MAP4K5: variants seen among roughly 807,000 people sequenced by gnomAD.
The protein encoded by MAP4K5 is mitogen-activated protein kinase kinase kinase kinase 5, also known as MAPK/ERK kinase kinase kinase 5.
MAP4K5 carries 82 observed loss-of-function variants against 135.6 expected under a neutral mutation model. The ratio of observed to expected loss-of-function variants is 0.60; its 90% CI spans 0.51 to 0.73. MAP4K5 has a LOEUF of 0.73. Ranked by LOEUF, MAP4K5 falls within the 30% of genes least tolerant of loss-of-function variation. The pLI is 0.00. For synonymous variants in MAP4K5, 347 were observed against 335.0 expected, an observed-to-expected ratio of 1.04 and a Z score of -0.39; for missense variants, 907 against 1,010.9, an observed-to-expected ratio of 0.90 and a Z score of 1.39.
upstream of MAP4K5, among the ~76,000 whole-genome samples, chr14:50,536,216 G>A (rs889028264): frequency 6.6e-6 from 1 of 152,184 alleles, no homozygotes. Context: ...AGGCCAAGGT[G>A]GGCGGATCAT....
At chr14:50,449,080 T>C (rs1346831876) in intron 14 of MAP4K5, 8 of 402,392 alleles carry the variant, frequency 2.0e-5, no homozygotes, top group African/African-American at 1.5e-4. Flanking sequence ...ACAGTTCTTT[T>C]TGTATAAAAG....
intron 1 of MAP4K5, among the ~76,000 whole-genome samples, chr14:50,548,578 C>G (rs569312553): frequency 6.6e-6 from 1 of 152,014 alleles, no homozygotes; most frequent in Non-Finnish European, 1.5e-5. Flanking sequence ...GGCGTGATCT[C>G]GGGTCACTGC....
At position 50,429,187 on chromosome 14, in the gene MAP4K5, C is replaced by G. The variant is rs750087908; in HGVS notation, c.2233+5G>C. 7 of 1,498,372 alleles carry G rather than the reference C, an allele frequency of 4.7e-6. No homozygotes were observed. The highest frequency in any genetic ancestry group is 6.3e-6 in the Non-Finnish European group (7 of 1,106,422). 92.8% of individuals were successfully genotyped at this position (1,498,372 alleles called of 1,614,324 possible). A position where few individuals can be genotyped will look rare whatever the true frequency, so the allele number is the denominator to read the frequency against. On this transcript the variant is annotated splice_donor_5th_base_variant and intron_variant, in intron 29 of 32. Coordinates refer to ENST00000682126, the MANE Select transcript of MAP4K5 (RefSeq NM_006575.6). ...ACTCAAAATAAAATTAAAAATAGTACTTACTGTCTAAACACACTAAAACGG... is the reference window on the plus strand; with the variant it reads ...ACTCAAAATAAAATTAAAAATAGTAGTTACTGTCTAAACACACTAAAACGG...
chr14:50,446,399 T>C (rs1295659420), intron 16 of MAP4K5, among the ~76,000 whole-genome samples: 6 of 152,204 alleles, frequency 3.9e-5, no homozygotes, highest in Non-Finnish European at 7.3e-5. Flanking sequence ...CTAAGTTAAC[T>C]TCTTGGTTAA....
At chr14:50,498,189 T>C (rs2037634312) in intron 3 of MAP4K5, among the ~76,000 whole-genome samples, 1 of 152,172 alleles carries the variant, frequency 6.6e-6, no homozygotes, top group African/African-American at 2.4e-5. Flanking sequence ...CATCACAGTA[T>C]CTGCCTGGGC....
At chr14:50,457,102 G>C (rs1181044631) in intron 13 of MAP4K5, among the ~76,000 whole-genome samples, 1 of 152,186 alleles carries the variant, frequency 6.6e-6, no homozygotes, top group Admixed American at 6.6e-5. Flanking sequence ...ATTGTGGAGT[G>C]TTTGTAGGCA....
chr14:50,529,370 G>C (rs963185338), intron 2 of MAP4K5, among the ~76,000 whole-genome samples: 2 of 152,152 alleles, frequency 1.3e-5, no homozygotes, highest in Non-Finnish European at 2.9e-5. Flanking sequence ...CTGGGGGACA[G>C]AGCGACATCC....
intron 1 of MAP4K5, among the ~76,000 whole-genome samples, chr14:50,553,392 C>T (rs527817559): frequency 4.4e-4 from 66 of 151,424 alleles, no homozygotes; most frequent in Non-Finnish European, 8.1e-4. Context: ...AAATCAAAAC[C>T]ACAATGAGAT....
intron 9 of MAP4K5, 134 bp from the exon 10 acceptor site, chr14:50,468,916 T>C (rs967879126): frequency 2.3e-5 from 16 of 697,634 alleles, no homozygotes; most frequent in Non-Finnish European, 3.8e-5. Flanking sequence ...GAAACATTAC[T>C]AAGTAAAGGC....
chr14:50,481,380 C>A (rs1258448121), intron 6 of MAP4K5, among the ~76,000 whole-genome samples: 1 of 151,304 alleles, frequency 6.6e-6, no homozygotes, highest in Admixed American at 6.6e-5. Flanking sequence ...TCTTTTAAAG[C>A]ATGTGGGAAC....
intron 2 of MAP4K5, among the ~76,000 whole-genome samples, chr14:50,515,451 C>T (rs76106748): frequency 0.061 from 9,358 of 152,166 alleles, 273 homozygotes; most frequent in Middle Eastern, 0.075. Context: ...TCCATGACCA[C>T]CAATTATTTC....
At position 50,548,871 on chromosome 14, in the gene MAP4K5, C is replaced by T. The variant is rs112372753; in HGVS notation, c.-179-6287G>A. Among the ~76,000 whole-genome samples the T allele has an allele frequency of 3.3e-5, 5 of 152,214 alleles. 1 individual carries two copies. The highest frequency in any genetic ancestry group is 2.1e-4 in the South Asian group (1 of 4,820). On this transcript the variant is annotated intron_variant, in intron 1 of 8. Transcript: ENST00000555216. ...ACAGTCCTAGAGCAACAGCTATTAGCCATGTATAGGGCATTGCAACAAGCA... is the reference window on the plus strand; with the variant it reads ...ACAGTCCTAGAGCAACAGCTATTAGTCATGTATAGGGCATTGCAACAAGCA...
intron 6 of MAP4K5, among the ~76,000 whole-genome samples, chr14:50,480,969 G>T (rs1221040083): frequency 2.6e-5 from 4 of 151,984 alleles, no homozygotes. Flanking sequence ...ATTGTTGACT[G>T]AAATGTTATG....
chr14:50,525,947 C>T (rs536107756), intron 2 of MAP4K5, among the ~76,000 whole-genome samples: 2 of 152,308 alleles, frequency 1.3e-5, no homozygotes, highest in East Asian at 1.9e-4. Flanking sequence ...TATTCTCCAT[C>T]TATAAAATAA....
At chr14:50,560,823 G>T (rs540575738) in intron 1 of MAP4K5, among the ~76,000 whole-genome samples, 2 of 152,340 alleles carry the variant, frequency 1.3e-5, no homozygotes, top group Admixed American at 6.5e-5. Context: ...GGCGGAGCGC[G>T]CCGGGTCCCG....
At chr14:50,559,396 G>A (rs2038805229) in intron 1 of MAP4K5, 2 of 152,238 alleles carry the variant, frequency 1.3e-5, no homozygotes, top group Admixed American at 1.3e-4. Flanking sequence ...CAGAGAGAAA[G>A]CAGTGAAAAG....
chr14:50,443,896 T>C (rs747170955), intron 19 of MAP4K5, 43 bp downstream of exon 19: 67 of 1,475,654 alleles, frequency 4.5e-5, no homozygotes, highest in Admixed American at 5.7e-5. Context: ...ATGATAAATA[T>C]AGTATTATTT....
rs79293985 is a variant in MAP4K5 at position 50,541,403 on chromosome 14, C to T, written c.-94+1096G>A. On this transcript the variant is annotated intron_variant, in intron 2 of 8. Coordinates refer to the MAP4K5 transcript ENST00000555216. ...AGATAAACCCAGTTCAGGAACCTGA[C>T]ACATTAGTGACATTTCTAACAAGGA... Among the ~76,000 whole-genome samples, 427 of 152,330 alleles carry T rather than the reference C, an allele frequency of 2.8e-3. 2 individuals carry two copies. Among genetic ancestry groups the T allele is most frequent in the Non-Finnish European group, 4.2e-3 (285 of 68,034 alleles).
chr14:50,468,615 G>T, intron 10 of MAP4K5, 36 bp downstream of exon 10: 1 of 1,603,240 alleles, frequency 6.2e-7, no homozygotes, highest in South Asian at 1.1e-5. Flanking sequence ...CCATAGACTT[G>T]ATCAATAACT....
Sources: allele counts gnomAD v4.1 joint callset (sites outside exome capture counted in the v4.1 genomes callset), GRCh38; gene constraint gnomAD v4.1.1; transcripts MANE v1.5; gene names NCBI Gene and HGNC (gene_info 2026-07-23, HGNC 2026-07-21).